SLCO3A1: variants seen among roughly 807,000 people sequenced by gnomAD.
The protein encoded by SLCO3A1 is PGE1 transporter.
Under a neutral mutation model 63.1 loss-of-function variants are expected in SLCO3A1, and 27 were observed. That is an observed-to-expected ratio of 0.43 (90% CI 0.32 to 0.59). The LOEUF (loss-of-function observed/expected upper bound fraction) is 0.59. Ranked by LOEUF, SLCO3A1 falls within the 20% of genes least tolerant of loss-of-function variation. The pLI is 0.09. For synonymous variants in SLCO3A1, 473 were observed against 409.9 expected (o/e 1.15, Z -1.86); for missense variants, 773 against 945.8 (o/e 0.82, Z 2.40).
intron 2 of SLCO3A1, among the ~76,000 whole-genome samples, chr15:91,928,734 G>A: frequency 6.6e-6 from 1 of 152,152 alleles, no homozygotes; most frequent in East Asian, 1.9e-4. Flanking sequence ...CTAGTTCTGT[G>A]GGAATTTTAA....
rs1214898264 is a variant in SLCO3A1 at position 91,916,983 on chromosome 15, A to G, written c.646+525A>G. Among the ~76,000 whole-genome samples, 1 of 152,182 alleles carries G rather than the reference A, an allele frequency of 6.6e-6. No individual in the cohort carries two copies. Among genetic ancestry groups the G allele is most frequent in the Non-Finnish European group, 1.5e-5 (1 of 68,036 alleles). Reference sequence around the variant, plus strand: ...ATGCATGGGAATTGGGTATGTAGAGAGAAATAAGGTATTTGTGTTTTGAAA... The same window carrying G: ...ATGCATGGGAATTGGGTATGTAGAGGGAAATAAGGTATTTGTGTTTTGAAA... On this transcript the variant is annotated intron_variant, in intron 2 of 9. Transcript: ENST00000318445. This position sits in a 1 kb window ranked among gnomAD's most constrained non-coding sequence, Gnocchi z 6.2.
At chr15:92,047,502 TAA>T (rs1193579240) in intron 2 of SLCO3A1, among the ~76,000 whole-genome samples, 1 of 35,722 alleles carries the variant, frequency 2.8e-5, no homozygotes, top group Non-Finnish European at 5.0e-5. Context: ...TAAATATATA[TAA>T]ATATATATAA....
chr15:91,989,709 ATTAT>A (rs1317929662), intron 2 of SLCO3A1, among the ~76,000 whole-genome samples: 2 of 152,254 alleles, frequency 1.3e-5, no homozygotes, highest in African/African-American at 4.8e-5. Flanking sequence ...GAACCAAAGT[ATTAT>A]TTAGCTACTA....
At chr15:92,140,794 A>T (rs915183470) in intron 7 of SLCO3A1, among the ~76,000 whole-genome samples, 2 of 152,162 alleles carry the variant, frequency 1.3e-5, no homozygotes, top group Non-Finnish European at 2.9e-5. Flanking sequence ...AGAGACTAAG[A>T]TTGCAACCTC....
chr15:92,022,778 A>T (rs747638645), intron 2 of SLCO3A1, among the ~76,000 whole-genome samples: 10 of 152,212 alleles, frequency 6.6e-5, no homozygotes, highest in Non-Finnish European at 1.3e-4. Context: ...ATGCTTTCTT[A>T]AAACAGTAGG....
intron 2 of SLCO3A1, among the ~76,000 whole-genome samples, chr15:92,016,254 T>TAGATAGATAGATAGATAGA: frequency 1.0e-5 from 1 of 95,658 alleles, no homozygotes; most frequent in Non-Finnish European, 2.1e-5. Flanking sequence ...GATAGATAGA[T>TAGATAGATAGATAGATAGA]TAGATAGATA....
chr15:92,094,597 G>A (rs912920698), intron 2 of SLCO3A1, among the ~76,000 whole-genome samples: 2 of 152,128 alleles, frequency 1.3e-5, no homozygotes, highest in Non-Finnish European at 2.9e-5. Context: ...TGATAGATGC[G>A]GATGTATTTT....
chr15:92,117,497 G>A (rs770378609), intron 4 of SLCO3A1, among the ~76,000 whole-genome samples: 1 of 152,180 alleles, frequency 6.6e-6, no homozygotes, highest in Non-Finnish European at 1.5e-5. Flanking sequence ...AATGTTTCCA[G>A]AATTTAGATA....
In SLCO3A1 at chr15:91,974,835, T is replaced by C. The variant is rs138711042; in HGVS notation, c.646+58377T>C. 1.7e-3 allele frequency among the ~76,000 whole-genome samples: 257 copies of C among 152,284 alleles called. 1 individual carries two copies. The highest frequency in any genetic ancestry group is 6.0e-3 in the African/African-American group (248 of 41,576). ...GTGTGATGAAGCCAGTGTCCCCATT[T>C]AGCATCAAAATAGACAAGACAGTTC... On this transcript the variant is annotated intron_variant, in intron 2 of 9. Coordinates refer to ENST00000318445, the MANE Select transcript of SLCO3A1 (RefSeq NM_013272.4).
At chr15:92,096,686 C>A (rs1167746101) in intron 3 of SLCO3A1, among the ~76,000 whole-genome samples, 1 of 152,142 alleles carries the variant, frequency 6.6e-6, no homozygotes, top group African/African-American at 2.4e-5. Context: ...CTAATTCACC[C>A]CAAAGAAATA....
At chr15:92,054,291 C>A (rs1181538470) in intron 2 of SLCO3A1, among the ~76,000 whole-genome samples, 1 of 152,118 alleles carries the variant, frequency 6.6e-6, no homozygotes, top group East Asian at 1.9e-4. Context: ...TGGAGCTGTC[C>A]TAAAAATTGA....
At chr15:92,083,768 A>G (rs887865824) in intron 2 of SLCO3A1, among the ~76,000 whole-genome samples, 1 of 152,174 alleles carries the variant, frequency 6.6e-6, no homozygotes, top group African/African-American at 2.4e-5. Flanking sequence ...CATCTTTGTA[A>G]TAATGATTGC....
intron 2 of SLCO3A1, among the ~76,000 whole-genome samples, chr15:91,959,723 CAAAAAAAAA>C (rs34759500): frequency 0.035 from 2,507 of 72,038 alleles, 99 homozygotes; most frequent in African/African-American, 0.13. Flanking sequence ...GACTCCATCT[CAAAAAAAAA>C]AAAAAAAAAA....
At chr15:91,995,624 C>T (rs2046181875) in intron 2 of SLCO3A1, among the ~76,000 whole-genome samples, 1 of 151,030 alleles carries the variant, frequency 6.6e-6, no homozygotes, top group South Asian at 2.1e-4. Flanking sequence ...CAGACAGAGC[C>T]TTGGATGCTC....
intron 2 of SLCO3A1, among the ~76,000 whole-genome samples, chr15:92,045,491 C>A (rs1010323975): frequency 1.3e-5 from 2 of 152,026 alleles, no homozygotes; most frequent in African/African-American, 4.8e-5. Flanking sequence ...TGCTATTTAT[C>A]TTCTGTAACC....
chr15:92,050,095 C>T (rs2151496218), intron 2 of SLCO3A1, among the ~76,000 whole-genome samples: 1 of 152,362 alleles, frequency 6.6e-6, no homozygotes, highest in South Asian at 2.1e-4. Flanking sequence ...CTCCTGATCA[C>T]TAAGCTGCAC....
chr15:92,114,740 T>A (rs892215548), intron 4 of SLCO3A1, among the ~76,000 whole-genome samples: 6 of 152,212 alleles, frequency 3.9e-5, no homozygotes, highest in African/African-American at 9.7e-5. Context: ...AAGCTCCTCA[T>A]GGCAACTCAA....
intron 2 of SLCO3A1, among the ~76,000 whole-genome samples, chr15:92,048,712 A>T (rs1464273472): frequency 1.3e-5 from 2 of 152,194 alleles, no homozygotes; most frequent in Non-Finnish European, 2.9e-5. Context: ...CAGCCTGGCC[A>T]ACATGGTGAA....
chr15:92,084,415 G>A (rs905124366), intron 2 of SLCO3A1, among the ~76,000 whole-genome samples: 20 of 152,134 alleles, frequency 1.3e-4, no homozygotes, highest in African/African-American at 4.8e-4. Flanking sequence ...AGGGATTGTT[G>A]TCATCCCATT....
Sources: gnomAD v4.1 joint callset for allele counts (sites outside exome capture counted in the v4.1 genomes callset) on GRCh38, gnomAD v4.1.1 for gene constraint, Gnocchi (gnomAD v3.1) non-coding constraint, MANE v1.5 for transcripts, NCBI Gene and HGNC (gene_info 2026-07-23, HGNC 2026-07-21) for gene names.